EPS8: variants seen among roughly 807,000 people sequenced by gnomAD.
EPS8 encodes the protein epidermal growth factor receptor kinase substrate 8.
Under a neutral mutation model 103.8 loss-of-function variants are expected in EPS8, and 42 were observed. The observed-to-expected ratio is 0.40, with a 90% CI of 0.32 to 0.52. EPS8 has a LOEUF of 0.52. Ranked by LOEUF, EPS8 falls within the 20% of genes least tolerant of loss-of-function variation. The pLI is 0.40. For missense variants in EPS8, 969 were observed against 1,005.1 expected, an observed-to-expected ratio of 0.96 and a Z score of 0.49; for synonymous variants, 344 against 344.6, an observed-to-expected ratio of 1.00 and a Z score of 0.02.
At chr12:15,679,237 T>G (rs1001815390) in intron 3 of EPS8, among the ~76,000 whole-genome samples, 2 of 152,210 alleles carry the variant, frequency 1.3e-5, no homozygotes, top group South Asian at 4.1e-4. Flanking sequence ...AGAACAAATC[T>G]GACCTATTAC....
rs1443820969 is a variant in EPS8, at chr12:15,778,800, A to C, written c.-22+10361T>G. ...GAATAAAGGTAGTAAATCTACTTAA[A>C]GGTAGTGTTTTCATTTCTTCCATAT... On this transcript the variant is annotated intron_variant, in intron 1 of 20. Coordinates refer to ENST00000281172, the MANE Select transcript of EPS8 (RefSeq NM_004447.6). This position sits in a 1 kb window ranked among gnomAD's most constrained non-coding sequence, Gnocchi z 4.5. Among the ~76,000 whole-genome samples the C allele has an allele frequency of 6.6e-6, 1 of 152,208 alleles. No homozygotes were observed. Among genetic ancestry groups the C allele is most frequent in the Admixed American group, 6.5e-5 (1 of 15,284 alleles).
chr12:15,682,960 T>C lies in EPS8; in HGVS notation c.-9A>G, dbSNP rs1488824126. 3 of 1,569,750 alleles carry C rather than the reference T, an allele frequency of 1.9e-6. No individual in the cohort carries two copies. Among genetic ancestry groups the C allele is most frequent in the South Asian group, 2.4e-5 (2 of 84,884 alleles). On this transcript the variant is annotated 5_prime_UTR_variant, in exon 2 of 21. Coordinates refer to ENST00000281172, the MANE Select transcript of EPS8 (RefSeq NM_004447.6). ...GAAATATGACCATTCATTGTGTCTT[T>C]CACTTGTGTGTTCTAAAAAAAGAAA...
chr12:15,629,305 G>C (rs932647370), intron 18 of EPS8, among the ~76,000 whole-genome samples: 3 of 152,150 alleles, frequency 2.0e-5, no homozygotes, highest in Non-Finnish European at 4.4e-5. Context: ...GCTCCAAATG[G>C]GGACTGGAGG....
intron 1 of EPS8, among the ~76,000 whole-genome samples, chr12:15,709,839 T>C: frequency 6.6e-6 from 1 of 152,326 alleles, no homozygotes; most frequent in African/African-American, 2.4e-5. Flanking sequence ...GTAGGCGGGA[T>C]GGATCAGAAT....
chr12:15,638,631 T>G (rs1945177762), intron 17 of EPS8, among the ~76,000 whole-genome samples: 1 of 152,132 alleles, frequency 6.6e-6, no homozygotes. Flanking sequence ...AAATAGGCAA[T>G]CCCTATAAGA....
chr12:15,671,545 C>A (rs954860331), intron 3 of EPS8, among the ~76,000 whole-genome samples: 1 of 152,004 alleles, frequency 6.6e-6, no homozygotes, highest in African/African-American at 2.4e-5. Flanking sequence ...ACAAGAAAGT[C>A]AGGTAGAAAG....
In EPS8 at chr12:15,733,389, T is replaced by C. The variant is rs537560950; in HGVS notation, c.-21-50417A>G. On this transcript the variant is annotated intron_variant, in intron 1 of 20. Coordinates refer to ENST00000281172, the MANE Select transcript of EPS8 (RefSeq NM_004447.6). This position sits in a 1 kb window ranked among gnomAD's most constrained non-coding sequence, Gnocchi z 4.8. ...AACAGCATGGGGAAAACCATTCCCATGATCCAATCACCTCCCACCAGCTCC... is the reference window on the plus strand; with the variant it reads ...AACAGCATGGGGAAAACCATTCCCACGATCCAATCACCTCCCACCAGCTCC... 3.9e-5 allele frequency among the ~76,000 whole-genome samples: 6 copies of C among 152,172 alleles called. No individual in the cohort carries two copies. Among genetic ancestry groups the C allele is most frequent in the Admixed American group, 2.0e-4 (3 of 15,278 alleles).
chr12:15,669,932 G>A (rs1171843615), intron 4 of EPS8, 107 bp from the exon 5 acceptor site: 3 of 762,510 alleles, frequency 3.9e-6, no homozygotes, highest in Non-Finnish European at 5.9e-6. Flanking sequence ...TCAGCTAGCA[G>A]AGAACGACAA....
chr12:15,683,905 A>T (rs188031445), intron 1 of EPS8: 13 of 152,264 alleles, frequency 8.5e-5, no homozygotes, highest in African/African-American at 2.9e-4. Context: ...ATGTCCTCTC[A>T]ATAACTGTGA....
At chr12:15,718,132 G>C (rs984304132) in intron 1 of EPS8, among the ~76,000 whole-genome samples, 14 of 152,126 alleles carry the variant, frequency 9.2e-5, no homozygotes. Context: ...TATAACCTTT[G>C]GTGAGTAACT....
At position 15,700,709 on chromosome 12, in the gene EPS8, T is replaced by C. The variant is rs190586493; in HGVS notation, c.-21-17737A>G. ...AAAAGCAGAACTTTTGGTAAAAGCATGCCTATTTATATCAAGGAGGTTCAA... is the reference window on the plus strand; with the variant it reads ...AAAAGCAGAACTTTTGGTAAAAGCACGCCTATTTATATCAAGGAGGTTCAA... On this transcript the variant is annotated intron_variant, in intron 1 of 20. Coordinates refer to ENST00000281172, the MANE Select transcript of EPS8 (RefSeq NM_004447.6). This position sits in a 1 kb window ranked among gnomAD's most constrained non-coding sequence, Gnocchi z 5.1. 1.2e-4 allele frequency among the ~76,000 whole-genome samples: 18 copies of C among 152,294 alleles called. No individual in the cohort carries two copies. In the East Asian group the frequency reaches 3.5e-3, roughly 29 times the overall value.
Position 15,787,595 on chromosome 12 carries a change from A to C in EPS8, c.-22+1566T>G, listed in dbSNP as rs73317000. ...AAAAAATTACAAAGAGAATGCACCA[A>C]GTCTTGTAAACAGCGGTTATCTCAG... On this transcript the variant is annotated intron_variant, in intron 1 of 20. Coordinates refer to ENST00000281172, the MANE Select transcript of EPS8 (RefSeq NM_004447.6). This position sits in a 1 kb window ranked among gnomAD's most constrained non-coding sequence, Gnocchi z 4.9. Among the ~76,000 whole-genome samples the C allele has an allele frequency of 6.0e-3, 909 of 152,338 alleles. 8 individuals carry two copies. The highest frequency in any genetic ancestry group is 0.021 in the African/African-American group (868 of 41,582).
At chr12:15,774,227 AT>A (rs1487974945) in intron 1 of EPS8, among the ~76,000 whole-genome samples, 1 of 151,868 alleles carries the variant, frequency 6.6e-6, no homozygotes, top group East Asian at 1.9e-4. Context: ...GAACTAATGA[AT>A]TTTTTCTTTT....
chr12:15,675,167 A>C (rs551813625), intron 3 of EPS8, among the ~76,000 whole-genome samples: 1 of 152,364 alleles, frequency 6.6e-6, no homozygotes, highest in South Asian at 2.1e-4. Flanking sequence ...CCAATTATAC[A>C]GAAATTCACC....
At position 15,758,000 on chromosome 12, in the gene EPS8, C is replaced by CCTT. The variant is rs1034555813; in HGVS notation, c.-22+31160_-22+31161insAAG. ...AATCATCTGAAGGCCTATTCACTGT[C>CCTT]AGCTTGAGACCTTAGCTGGAGTTGT... is the stretch of plus-strand genomic sequence containing the variant. On this transcript the variant is annotated intron_variant, in intron 1 of 20. Coordinates refer to ENST00000281172, the MANE Select transcript of EPS8 (RefSeq NM_004447.6). This position sits in a 1 kb window ranked among gnomAD's most constrained non-coding sequence, Gnocchi z 4.1. 6.6e-6 allele frequency among the ~76,000 whole-genome samples: 1 copy of CCTT among 152,214 alleles called. No homozygotes were observed. Among genetic ancestry groups the CCTT allele is most frequent in the African/African-American group, 2.4e-5 (1 of 41,460 alleles).
chr12:15,756,172 T>C (rs1946984316), intron 1 of EPS8, among the ~76,000 whole-genome samples: 1 of 152,192 alleles, frequency 6.6e-6, no homozygotes, highest in Non-Finnish European at 1.5e-5. Context: ...ATATTCAGTC[T>C]AGCAGCAAGT....
chr12:15,712,241 T>TA (rs563686136), intron 1 of EPS8, among the ~76,000 whole-genome samples: 179 of 146,702 alleles, frequency 1.2e-3, no homozygotes, highest in South Asian at 8.8e-3. Context: ...ACATGGGCTT[T>TA]AAAAAAAAAA....
In EPS8 at chr12:15,785,032, A is replaced by G. The variant is rs1373736313; in HGVS notation, c.-22+4129T>C. ...ATTCGGTATGATACTATGATCCTAT[A>G]AGGATAGCTACATCAAATTAAGTAT... is the stretch of plus-strand genomic sequence containing the variant. On this transcript the variant is annotated intron_variant, in intron 1 of 20. Coordinates refer to ENST00000281172, the MANE Select transcript of EPS8 (RefSeq NM_004447.6). The surrounding 1 kb of genome is among the most constrained non-coding windows in gnomAD (Gnocchi z 4.9). Among the ~76,000 whole-genome samples the G allele has an allele frequency of 1.3e-5, 2 of 152,114 alleles. No homozygotes were observed. The highest frequency in any genetic ancestry group is 2.9e-5 in the Non-Finnish European group (2 of 67,944).
intron 11 of EPS8, 37 bp from the exon 12 acceptor site, chr12:15,658,190 A>G: frequency 1.4e-6 from 2 of 1,433,826 alleles, no homozygotes; most frequent in East Asian, 4.6e-5. Flanking sequence ...GATTACTATC[A>G]AGCAAGACAG....
Sources: gnomAD v4.1 joint callset for allele counts (sites outside exome capture counted in the v4.1 genomes callset) on GRCh38, gnomAD v4.1.1 for gene constraint, Gnocchi (gnomAD v3.1) non-coding constraint, MANE v1.5 for transcripts, NCBI Gene and HGNC (gene_info 2026-07-23, HGNC 2026-07-21) for gene names.